Variants in RIN3 observed in about 807,000 individuals in gnomAD.
RIN3 encodes RAB5 interacting protein 3.
In RIN3, 54 loss-of-function variants were observed where a neutral mutation model predicts 76.3. The observed-to-expected ratio is 0.71, with a 90% CI of 0.57 to 0.89. The LOEUF is 0.89. Among genes scored for constraint, RIN3 ranks in the 40% least tolerant of loss-of-function variants. RIN3 has a pLI of 0.00. For synonymous variants in RIN3, 576 were observed against 564.0 expected (o/e 1.02, Z -0.30); for missense variants, 1,256 against 1,322.1 (o/e 0.95, Z 0.78).
intron 1 of RIN3, among the ~76,000 whole-genome samples, chr14:92,545,863 G>A (rs1897250073): frequency 6.6e-6 from 1 of 152,110 alleles, no homozygotes; most frequent in African/African-American, 2.4e-5. Flanking sequence ...TAACATTCAT[G>A]CAATAAACAG....
intron 1 of RIN3, among the ~76,000 whole-genome samples, chr14:92,517,158 G>A (rs1312728067): frequency 6.6e-6 from 1 of 152,230 alleles, no homozygotes; most frequent in Admixed American, 6.5e-5. Context: ...AGTGATGAGT[G>A]AGCACCATTG....
chr14:92,685,032 A>C lies in RIN3; in HGVS notation c.2513A>C (p.Lys838Thr), dbSNP rs746397902. Residue 838 changes from lysine (K) to threonine (T), a missense_variant, in exon 9 of 10, where the codon AAG (lysine) becomes ACG (threonine). Lys to Thr is a moderately conservative substitution (Grantham distance 78, BLOSUM62 -1). Around this residue, in one of 3 missense-constraint regions of RIN3, gnomAD observed 428 missense variants for 521.2 expected, o/e 0.82. Transcript: ENST00000216487. This position sits in a 1 kb window ranked among gnomAD's most constrained non-coding sequence, Gnocchi z 4.7. ...TTTYGALEHI[K>T]SYDKITVTRQ... ...ACCTACGGGGCCCTGGAGCACATCA[A>C]GAGCTACGACAAGATCACGGTGACC... 1.4e-5 allele frequency: 23 copies of C among 1,613,980 alleles called. No individual in the cohort carries two copies. The highest frequency in any genetic ancestry group is 1.9e-5 in the Non-Finnish European group (22 of 1,180,000).
chr14:92,576,186 C>T lies in RIN3; in HGVS notation c.250-1174C>T. ...GCTGGGGAGATTCCAGAAGGTGTCACCTGCCAAGGAGGGATGAGCTTGCTG... is the reference window on the plus strand; with the variant it reads ...GCTGGGGAGATTCCAGAAGGTGTCATCTGCCAAGGAGGGATGAGCTTGCTG... On this transcript the variant is annotated intron_variant, in intron 2 of 9. Coordinates refer to ENST00000216487, the MANE Select transcript of RIN3 (RefSeq NM_024832.5). 8 of 1,228,820 alleles carry T rather than the reference C, an allele frequency of 6.5e-6. No individual in the cohort carries two copies. In the South Asian group the frequency reaches 9.9e-5, roughly 15 times the overall value. 76.1% of individuals were successfully genotyped at this position (1,228,820 alleles called of 1,614,324 possible).
At chr14:92,612,251 G>T (rs373412421) in intron 3 of RIN3, among the ~76,000 whole-genome samples, 27 of 152,324 alleles carry the variant, frequency 1.8e-4, no homozygotes, top group African/African-American at 6.3e-4. Context: ...CGGGCAGGTG[G>T]TGTGGCCTAG....
chr14:92,615,549 C>G (rs1320707685), intron 4 of RIN3, 70 bp downstream of exon 4: 6 of 1,325,102 alleles, frequency 4.5e-6, no homozygotes, highest in Non-Finnish European at 6.5e-6. Context: ...TGGGTGGGTG[C>G]AGGGGACTTC....
chr14:92,633,459 G>A (rs1443019119), intron 4 of RIN3, among the ~76,000 whole-genome samples: 2 of 152,228 alleles, frequency 1.3e-5, no homozygotes, highest in African/African-American at 4.8e-5. Flanking sequence ...AAGAGGAGGG[G>A]ACGGCTGGCT....
intron 3 of RIN3, among the ~76,000 whole-genome samples, chr14:92,581,654 C>G (rs1884546384): frequency 6.6e-6 from 1 of 152,172 alleles, no homozygotes. Context: ...TCTCTCCAAC[C>G]CAGTGACACC....
intron 1 of RIN3, among the ~76,000 whole-genome samples, chr14:92,532,683 A>G (rs1896911396): frequency 6.6e-6 from 1 of 152,238 alleles, no homozygotes; most frequent in Non-Finnish European, 1.5e-5. Flanking sequence ...CAGGCAGGAC[A>G]GAGGCGGGGG....
chr14:92,550,582 A>G (rs1171540244), intron 1 of RIN3, among the ~76,000 whole-genome samples: 3 of 152,014 alleles, frequency 2.0e-5, no homozygotes, highest in African/African-American at 7.3e-5. Flanking sequence ...TGCCTGGCTA[A>G]TTTTTCGAAA....
intron 9 of RIN3, chr14:92,687,555 T>A: frequency 3.5e-6 from 1 of 283,842 alleles, no homozygotes; most frequent in African/African-American, 2.3e-5. Context: ...TGTGCTGCCC[T>A]CCGTGCCCAG....
chr14:92,630,648 T>A (rs1886541707), intron 4 of RIN3, among the ~76,000 whole-genome samples: 1 of 152,168 alleles, frequency 6.6e-6, no homozygotes, highest in Non-Finnish European at 1.5e-5. Flanking sequence ...GTTCAACCTT[T>A]CCTCCATGTT....
intron 3 of RIN3, among the ~76,000 whole-genome samples, chr14:92,588,214 C>CTTTTTT (rs141155255): frequency 6.3e-4 from 37 of 58,760 alleles, no homozygotes; most frequent in Non-Finnish European, 1.0e-3. Context: ...CCATAGCACT[C>CTTTTTT]TTTTTTTTTT....
At chr14:92,664,012 G>C (rs939308688) in intron 7 of RIN3, among the ~76,000 whole-genome samples, 6 of 152,130 alleles carry the variant, frequency 3.9e-5, no homozygotes, top group Non-Finnish European at 7.3e-5. Context: ...TGAGCGTCTA[G>C]ATGTTAGGAT....
At chr14:92,679,316 T>C (rs542165682) in intron 8 of RIN3, among the ~76,000 whole-genome samples, 1 of 152,238 alleles carries the variant, frequency 6.6e-6, no homozygotes, top group East Asian at 1.9e-4. Flanking sequence ...TGTCACACCT[T>C]GCCCATGGCA....
At chr14:92,628,266 T>C (rs1248204982) in intron 4 of RIN3, among the ~76,000 whole-genome samples, 1 of 152,196 alleles carries the variant, frequency 6.6e-6, no homozygotes. Flanking sequence ...ATCCATGCAA[T>C]GCCATCCCAC....
At chr14:92,554,044 G>A (rs961622744) in intron 1 of RIN3, among the ~76,000 whole-genome samples, 1 of 152,130 alleles carries the variant, frequency 6.6e-6, no homozygotes, top group African/African-American at 2.4e-5. Context: ...TGGTACCCCT[G>A]GGCAACATCA....
At chr14:92,596,092 T>C (rs1885140485) in intron 3 of RIN3, among the ~76,000 whole-genome samples, 1 of 152,256 alleles carries the variant, frequency 6.6e-6, no homozygotes, top group South Asian at 2.1e-4. Context: ...ATTGTGCTTA[T>C]TGTTGTCTCA....
Position 92,513,857 on chromosome 14 carries a change from G to T in RIN3, c.-76G>T. ...CAGAGGGCCAGAGCCAGGGACATGC[G>T]GGCGCCCGGGACTCCGCGTTCCGCG... On this transcript the variant is annotated 5_prime_UTR_variant, in exon 1 of 10. Transcript: ENST00000216487. The T allele has an allele frequency of 1.8e-6, 2 of 1,112,452 alleles. No homozygotes were observed. Among genetic ancestry groups the T allele is most frequent in the Non-Finnish European group, 2.3e-6 (2 of 875,976 alleles). The allele number at this position is 1,112,452 out of a possible 1,614,324, so 68.9% of individuals were successfully genotyped here.
In RIN3 at chr14:92,676,457, C is replaced by T. The variant is rs776717689; in HGVS notation, c.2336-18C>T. 7 of 1,611,952 alleles carry T rather than the reference C, an allele frequency of 4.3e-6. No homozygotes were observed. The South Asian group carries it at 7.7e-5, about 18-fold the overall frequency. ...AGAGCCTGGAACTCATCTCCCTCTG[C>T]CTCCTTCTTCTTCCCAGGGAAGCCC... On this transcript the variant is annotated intron_variant, in intron 7 of 9. Transcript: ENST00000216487.
Sources: gnomAD v4.1 joint callset for allele counts (sites outside exome capture counted in the v4.1 genomes callset) on GRCh38, gnomAD v4.1.1 for gene constraint, gnomAD v4.1.1 regional missense constraint, Gnocchi (gnomAD v3.1) non-coding constraint, MANE v1.5 for transcripts, NCBI Gene and HGNC (gene_info 2026-07-23, HGNC 2026-07-21) for gene names.